GPR107: variants seen among roughly 807,000 people sequenced by gnomAD.
The protein encoded by GPR107 is protein GPR107.
GPR107 carries 31 observed loss-of-function variants against 75.5 expected under a neutral mutation model. The ratio of observed to expected loss-of-function variants is 0.41; its 90% CI spans 0.31 to 0.55. The LOEUF is 0.55. Among genes scored for constraint, GPR107 ranks in the 20% least tolerant of loss-of-function variants. GPR107 has a pLI of 0.26. For missense variants in GPR107, 572 were observed against 665.7 expected, an observed-to-expected ratio of 0.86 and a Z score of 1.55; for synonymous variants, 267 against 251.3, an observed-to-expected ratio of 1.06 and a Z score of -0.59.
chr9:130,135,067 GA>G lies in GPR107; in HGVS notation c.1607del (p.Lys536ArgfsTer2), dbSNP rs1554899734. 7 of 1,612,032 alleles carry G rather than the reference GA, an allele frequency of 4.3e-6. No individual in the cohort carries two copies. The highest frequency in any genetic ancestry group is 5.9e-6 in the Non-Finnish European group (7 of 1,178,574). On this transcript the variant is annotated frameshift_variant, in exon 18 of 18. Transcript: ENST00000347136. LOFTEE classifies it high-confidence loss of function. Reference sequence around the variant, plus strand: ...TGATGGAAAGTATGAAGAAAGTCAAGAAGGTGACCAACGGCTCCGTGGAGCC... The same window carrying G: ...TGATGGAAAGTATGAAGAAAGTCAAGAGGTGACCAACGGCTCCGTGGAGCC... ...GVMESMKKVK[K>X]VTNGSVEPQG...
intron 1 of GPR107, among the ~76,000 whole-genome samples, chr9:130,070,533 A>C (rs915410434): frequency 6.6e-6 from 1 of 151,942 alleles, no homozygotes; most frequent in Admixed American, 6.6e-5. Flanking sequence ...CAAACTCCAG[A>C]CCTCAGGTGA....
intron 13 of GPR107, 64 bp from the exon 14 acceptor site, chr9:130,107,432 C>A: frequency 1.1e-6 from 1 of 932,294 alleles, no homozygotes; most frequent in Non-Finnish European, 1.8e-6. Context: ...GTTACTAGAG[C>A]TGGAAATAGA....
chr9:130,123,838 T>C (rs1831610185), intron 14 of GPR107, among the ~76,000 whole-genome samples: 2 of 151,950 alleles, frequency 1.3e-5, no homozygotes, highest in African/African-American at 4.8e-5. Context: ...GCCAGAGAGG[T>C]TGCTAGGTAA....
At chr9:130,088,048 C>T (rs1055524348) in intron 7 of GPR107, among the ~76,000 whole-genome samples, 13 of 152,118 alleles carry the variant, frequency 8.5e-5, no homozygotes, top group African/African-American at 3.1e-4. Context: ...CCATCATTTT[C>T]GTCGCCATCC....
At chr9:130,126,640 G>A (rs1484763875) in intron 15 of GPR107, among the ~76,000 whole-genome samples, 2 of 152,130 alleles carry the variant, frequency 1.3e-5, no homozygotes, top group Admixed American at 6.5e-5. Flanking sequence ...GTGAGCCATC[G>A]CGCCCGGCCC....
chr9:130,060,100 T>G (rs1165641139), intron 1 of GPR107, among the ~76,000 whole-genome samples: 1 of 151,400 alleles, frequency 6.6e-6, no homozygotes, highest in East Asian at 1.9e-4. Flanking sequence ...TCTCATCCTG[T>G]CCCCCAGGCT....
rs1175291970 is a variant in GPR107, at chr9:130,135,049, A to G, written c.1587A>G (p.Glu529=). Residue 529 remains glutamate, a synonymous_variant, in exon 18 of 18, where the codon GAA becomes GAG. Transcript: ENST00000347136. ...GTGTGACAACATCTGGGGTGATGGA[A>G]AGTATGAAGAAAGTCAAGAAGGTGA... ...ESVVTTSGVM[E]SMKKVKKVTN... 6.2e-7 allele frequency: 1 copy of G among 1,607,678 alleles called. No individual in the cohort carries two copies.
At chr9:130,101,028 A>G (rs1350784859) in intron 11 of GPR107, 78 bp from the exon 12 acceptor site, 1 of 854,032 alleles carries the variant, frequency 1.2e-6, no homozygotes, top group Non-Finnish European at 2.0e-6. Context: ...GTGAACTCAT[A>G]GAATGAGCTA....
rs11442007 is a variant in GPR107, at chr9:130,056,924, C to CAAAAAAAAAAAAAAA, written c.141+2864_141+2878dup. 2.3e-4 allele frequency among the ~76,000 whole-genome samples: 10 copies of CAAAAAAAAAAAAAAA among 42,892 alleles called. 1 individual carries two copies. The highest frequency in any genetic ancestry group is 1.2e-3 in the African/African-American group (10 of 8,642). 28.1% of individuals were successfully genotyped at this position (42,892 alleles called of 152,430 possible). On this transcript the variant is annotated intron_variant, in intron 1 of 17. Transcript: ENST00000347136. ...TGGGTGACAGAGCGAGACTCCTTCT[C>CAAAAAAAAAAAAAAA]AAAAAAAAAAAAAAAAAAAAAAAAA...
At chr9:130,084,634 G>A (rs1359018415) in intron 6 of GPR107, among the ~76,000 whole-genome samples, 2 of 151,996 alleles carry the variant, frequency 1.3e-5, no homozygotes, top group Non-Finnish European at 1.5e-5. Context: ...AAAATTAGCG[G>A]GCATGGTGGT....
At chr9:130,090,237 T>C (rs541734828) in intron 7 of GPR107, among the ~76,000 whole-genome samples, 9 of 152,212 alleles carry the variant, frequency 5.9e-5, no homozygotes, top group Non-Finnish European at 1.3e-4. Context: ...GTCTGTCTTT[T>C]GGTTTACATT....
chr9:130,087,473 A>T (rs1830641892), intron 7 of GPR107, among the ~76,000 whole-genome samples: 1 of 151,830 alleles, frequency 6.6e-6, no homozygotes, highest in African/African-American at 2.4e-5. Flanking sequence ...TTTTGAGACC[A>T]GCCTGGGCAA....
intron 8 of GPR107, among the ~76,000 whole-genome samples, chr9:130,091,215 A>G (rs1830727079): frequency 6.6e-6 from 1 of 152,184 alleles, no homozygotes; most frequent in South Asian, 2.1e-4. Context: ...TTGGCTGGGC[A>G]TGGTGGCTCA....
chr9:130,121,506 A>G (rs1831546249), intron 14 of GPR107, among the ~76,000 whole-genome samples: 1 of 152,096 alleles, frequency 6.6e-6, no homozygotes, highest in African/African-American at 2.4e-5. Flanking sequence ...CTGTGTCTTA[A>G]TTTTTGGCTT....
intron 14 of GPR107, among the ~76,000 whole-genome samples, chr9:130,109,197 G>A (rs1831235237): frequency 6.6e-6 from 1 of 151,382 alleles, no homozygotes; most frequent in African/African-American, 2.4e-5. Context: ...TTAAGACAGA[G>A]CTTTGCTCTG....
At chr9:130,108,092 G>T (rs1831203460) in intron 14 of GPR107, among the ~76,000 whole-genome samples, 1 of 152,158 alleles carries the variant, frequency 6.6e-6, no homozygotes, top group African/African-American at 2.4e-5. Flanking sequence ...CAGAAGAAAA[G>T]CTGCAAAGAA....
intron 6 of GPR107, 46 bp from the exon 7 acceptor site, chr9:130,086,374 C>T (rs1589500856): frequency 1.2e-6 from 1 of 866,784 alleles, no homozygotes; most frequent in Non-Finnish European, 1.9e-6. Flanking sequence ...AATTAGCATG[C>T]TTCTATGCCG....
At chr9:130,115,762 CAAAAA>C (rs765306078) in intron 14 of GPR107, among the ~76,000 whole-genome samples, 2 of 90,194 alleles carry the variant, frequency 2.2e-5, no homozygotes. Context: ...GACTCCGTCT[CAAAAA>C]AAAAAAAAAA....
intron 1 of GPR107, among the ~76,000 whole-genome samples, chr9:130,056,850 G>A (rs867083873): frequency 6.7e-6 from 1 of 148,822 alleles, no homozygotes; most frequent in South Asian, 2.1e-4. Flanking sequence ...GCATGAACCC[G>A]GGAGTCGGAG....
Sources: allele counts gnomAD v4.1 joint callset (sites outside exome capture counted in the v4.1 genomes callset), GRCh38; gene constraint gnomAD v4.1.1; transcripts MANE v1.5; gene names NCBI Gene and HGNC (gene_info 2026-07-23, HGNC 2026-07-21).